LRMDA: variants seen among roughly 807,000 people sequenced by gnomAD.
The protein encoded by LRMDA is leucine rich melanocyte differentiation associated, also known as leucine-rich melanocyte differentiation-associated protein.
A neutral mutation model predicts 29.8 loss-of-function variants in LRMDA; 18 were observed. The observed-to-expected ratio is 0.60, with a 90% CI of 0.42 to 0.90. The LOEUF (loss-of-function observed/expected upper bound fraction) is 0.90. Ranked by LOEUF, LRMDA falls within the 40% of genes least tolerant of loss-of-function variation. The probability of loss-of-function intolerance (pLI) is 0.00; values close to 1 mark genes in which losing one functional copy is unlikely to be tolerated. For synonymous variants in LRMDA, 125 were observed against 109.4 expected (o/e 1.14, Z -0.89); for missense variants, 273 against 273.9 (o/e 1.00, Z 0.02).
At chr10:75,699,032 C>T (rs1032945307) in intron 2 of LRMDA, among the ~76,000 whole-genome samples, 1 of 152,024 alleles carries the variant, frequency 6.6e-6, no homozygotes, top group African/African-American at 2.4e-5. Context: ...GAAACTCCAT[C>T]TCTACTAAAA....
intron 2 of LRMDA, among the ~76,000 whole-genome samples, chr10:75,643,392 C>G (rs1841478277): frequency 6.6e-6 from 1 of 152,180 alleles, no homozygotes; most frequent in South Asian, 2.1e-4. Context: ...ATCAATAAGT[C>G]CTCTTCCAGG....
chr10:76,131,276 A>T (rs1849988085), intron 5 of LRMDA, among the ~76,000 whole-genome samples: 1 of 152,166 alleles, frequency 6.6e-6, no homozygotes, highest in Non-Finnish European at 1.5e-5. Flanking sequence ...CTGGAACAGC[A>T]TACCACATTC....
chr10:75,812,108 ATTTTTTTTT>A (rs67846089), intron 2 of LRMDA, among the ~76,000 whole-genome samples: 14 of 46,258 alleles, frequency 3.0e-4, no homozygotes, highest in South Asian at 1.3e-3. Flanking sequence ...TTTAATTGTG[ATTTTTTTTT>A]TTTTTTTTTT....
intron 5 of LRMDA, among the ~76,000 whole-genome samples, chr10:76,134,132 A>G (rs1379463385): frequency 6.6e-6 from 1 of 152,178 alleles, no homozygotes; most frequent in Non-Finnish European, 1.5e-5. Flanking sequence ...GCTTTAATCA[A>G]CCACTCCTAA....
chr10:76,471,906 CCACAGAGCCCCAAAATA>C (rs1842621551), intron 6 of LRMDA, among the ~76,000 whole-genome samples: 1 of 151,672 alleles, frequency 6.6e-6, no homozygotes, highest in Non-Finnish European at 1.5e-5. Flanking sequence ...GGCTACATAG[CCACAGAGCCCCAAAATA>C]CACGAAGGAA....
intron 2 of LRMDA, among the ~76,000 whole-genome samples, chr10:75,471,378 G>T (rs1757666816): frequency 6.6e-6 from 1 of 151,996 alleles, no homozygotes; most frequent in South Asian, 2.1e-4. Flanking sequence ...GTAGGAGTTG[G>T]GGGAGTTGAA....
chr10:76,027,521 T>TAC (rs1171280334), intron 2 of LRMDA, among the ~76,000 whole-genome samples: 5 of 152,106 alleles, frequency 3.3e-5, no homozygotes, highest in Admixed American at 6.5e-5. Context: ...ATCACACACA[T>TAC]ACACACACAC....
chr10:75,522,251 A>C (rs1046917027), intron 2 of LRMDA, among the ~76,000 whole-genome samples: 2 of 152,194 alleles, frequency 1.3e-5, no homozygotes, highest in Non-Finnish European at 2.9e-5. Flanking sequence ...CCTTATACTC[A>C]TTGAGGTCAT....
intron 2 of LRMDA, among the ~76,000 whole-genome samples, chr10:75,755,223 A>G (rs547864331): frequency 6.6e-6 from 1 of 152,348 alleles, no homozygotes; most frequent in East Asian, 1.9e-4. Context: ...TGGTCTCAGA[A>G]AAAAGTCTTA....
chr10:76,151,753 C>T (rs1221585862), intron 5 of LRMDA, among the ~76,000 whole-genome samples: 1 of 152,138 alleles, frequency 6.6e-6, no homozygotes, highest in East Asian at 1.9e-4. Flanking sequence ...TCATATTATA[C>T]ACAACATCCT....
chr10:75,770,152 A>T (rs146650900), intron 2 of LRMDA, among the ~76,000 whole-genome samples: 35 of 151,854 alleles, frequency 2.3e-4, no homozygotes, highest in African/African-American at 8.5e-4. Context: ...TTAGCTGGAC[A>T]TGGTGGTACA....
At position 75,959,567 on chromosome 10, in the gene LRMDA, G is replaced by T. The variant is rs143631491; in HGVS notation, c.132-76441G>T. On this transcript the variant is annotated intron_variant, in intron 2 of 6. Transcript: ENST00000611255. ...TCTGTATATAATAACTTCAAGGGGG[G>T]TTTGCTGCCACCCTTTGAATTCCTT... is the stretch of plus-strand genomic sequence containing the variant. Among the ~76,000 whole-genome samples, 897 of 152,228 alleles carry T rather than the reference G, an allele frequency of 5.9e-3. 16 individuals are homozygous for T. The highest frequency in any genetic ancestry group is 0.019 in the African/African-American group (802 of 41,536).
At chr10:75,582,289 C>A (rs1346414958) in intron 2 of LRMDA, among the ~76,000 whole-genome samples, 1 of 152,230 alleles carries the variant, frequency 6.6e-6, no homozygotes. Flanking sequence ...CTGCAGCAGG[C>A]TTCTGCCTGG....
At chr10:75,502,181 A>G (rs1845120694) in intron 2 of LRMDA, among the ~76,000 whole-genome samples, 1 of 152,080 alleles carries the variant, frequency 6.6e-6, no homozygotes, top group Non-Finnish European at 1.5e-5. Flanking sequence ...CACACACCTC[A>G]TTTTCTTTCA....
At chr10:75,434,892 T>G (rs1844247357) in intron 1 of LRMDA, among the ~76,000 whole-genome samples, 1 of 152,262 alleles carries the variant, frequency 6.6e-6, no homozygotes, top group Non-Finnish European at 1.5e-5. Flanking sequence ...CAACGCAAAG[T>G]GAAACCTGCA....
intron 2 of LRMDA, among the ~76,000 whole-genome samples, chr10:75,752,519 T>G (rs1010694361): frequency 2.0e-5 from 3 of 152,218 alleles, no homozygotes; most frequent in Non-Finnish European, 4.4e-5. Flanking sequence ...CAATGTGCCT[T>G]TTAAACATCA....
At chr10:76,285,135 G>A (rs1017862602) in intron 5 of LRMDA, among the ~76,000 whole-genome samples, 1 of 152,056 alleles carries the variant, frequency 6.6e-6, no homozygotes, top group Non-Finnish European at 1.5e-5. Flanking sequence ...TATGGTATAT[G>A]GTATGCAGTA....
At chr10:76,386,121 A>G (rs1841656528) in intron 6 of LRMDA, among the ~76,000 whole-genome samples, 1 of 152,204 alleles carries the variant, frequency 6.6e-6, no homozygotes, top group Non-Finnish European at 1.5e-5. Context: ...TCAACTTGAC[A>G]TATCTGGCTA....
chr10:75,746,209 A>G (rs1238806367), intron 2 of LRMDA, among the ~76,000 whole-genome samples: 1 of 152,206 alleles, frequency 6.6e-6, no homozygotes, highest in African/African-American at 2.4e-5. Context: ...TAAATGCTCC[A>G]CAAACATTAG....
Sources: gnomAD v4.1 joint callset for allele counts (sites outside exome capture counted in the v4.1 genomes callset) on GRCh38, gnomAD v4.1.1 for gene constraint, MANE v1.5 for transcripts, NCBI Gene and HGNC (gene_info 2026-07-23, HGNC 2026-07-21) for gene names.